The following RBMS3 variants were observed in gnomAD, a reference collection of about 807,000 sequenced individuals.
RBMS3 encodes RNA-binding motif, single-stranded-interacting protein 3.
Under a neutral mutation model 66.8 loss-of-function variants are expected in RBMS3, and 27 were observed. The observed-to-expected ratio is 0.40, with a 90% CI of 0.30 to 0.56. The LOEUF (loss-of-function observed/expected upper bound fraction) is 0.56. Among genes scored for constraint, RBMS3 ranks in the 20% least tolerant of loss-of-function variants. RBMS3 has a pLI of 0.40. For missense variants in RBMS3, 513 were observed against 549.5 expected (o/e 0.93, Z 0.66); for synonymous variants, 188 against 183.0 (o/e 1.03, Z -0.22).
chr3:29,991,179 A>C lies in RBMS3; in HGVS notation c.1277A>C (p.His426Pro). The change falls in exon 14 of 15, where the codon CAT becomes CCT. Residue 426 changes from histidine to proline, a missense_variant. Transcript: ENST00000383767. ...QQIAVDTSNE[H>P]APAYSYQQSK... ...ATAGCAGTGGACACATCCAACGAAC[A>C]TGCACCTGCATATTCTTACCAACAG... is the stretch of plus-strand genomic sequence containing the variant. 1 of 1,614,124 alleles carries C rather than the reference A, an allele frequency of 6.2e-7. No individual in the cohort carries two copies. Among genetic ancestry groups the C allele is most frequent in the Non-Finnish European group, 8.5e-7 (1 of 1,180,000 alleles).
intron 6 of RBMS3, among the ~76,000 whole-genome samples, chr3:29,838,864 T>C (rs9849302): frequency 0.02 from 3,070 of 152,288 alleles, 96 homozygotes; most frequent in African/African-American, 0.068. Context: ...TGATAAATTC[T>C]GTGAGATTGG....
At chr3:29,471,025 C>T (rs2042707536) in intron 2 of RBMS3, among the ~76,000 whole-genome samples, 1 of 152,084 alleles carries the variant, frequency 6.6e-6, no homozygotes, top group Non-Finnish European at 1.5e-5. Context: ...TTGCTTTTGG[C>T]ACTGGTCAAA....
chr3:29,436,314 C>G (rs572359125), intron 2 of RBMS3, among the ~76,000 whole-genome samples: 2 of 152,262 alleles, frequency 1.3e-5, no homozygotes, highest in African/African-American at 4.8e-5. Context: ...ACATAACTGT[C>G]TAATTGTTTG....
At chr3:29,997,455 G>C (rs1300546048) in intron 14 of RBMS3, among the ~76,000 whole-genome samples, 1 of 148,850 alleles carries the variant, frequency 6.7e-6, no homozygotes, top group Non-Finnish European at 1.5e-5. Context: ...GCCGGGCAGA[G>C]ACACAACAAA....
At chr3:29,398,368 A>T (rs2039650227) in intron 1 of RBMS3, among the ~76,000 whole-genome samples, 1 of 152,170 alleles carries the variant, frequency 6.6e-6, no homozygotes, top group African/African-American at 2.4e-5. Flanking sequence ...GAAGGAGCTT[A>T]TGTACAAGAG....
intron 1 of RBMS3, among the ~76,000 whole-genome samples, chr3:29,282,862 C>T (rs1030301137): frequency 6.6e-6 from 1 of 152,168 alleles, no homozygotes; most frequent in Non-Finnish European, 1.5e-5. Context: ...TCTCGTCCAG[C>T]AACGCCTATT....
Position 29,383,552 on chromosome 3 carries a change from C to A in RBMS3, c.76-51191C>A, listed in dbSNP as rs376459241. Among the ~76,000 whole-genome samples, 5 of 152,150 alleles carry A rather than the reference C, an allele frequency of 3.3e-5. No individual in the cohort carries two copies. The East Asian group carries it at 5.8e-4, about 18-fold the overall frequency. ...CTAGTTAAGTTTATTGTGGTTCAGA[C>A]TCAAACTGTTGTATGTGGATGTACA... On this transcript the variant is annotated intron_variant, in intron 1 of 14. Coordinates refer to ENST00000383767, the MANE Select transcript of RBMS3 (RefSeq NM_001003793.3).
intron 2 of RBMS3, among the ~76,000 whole-genome samples, chr3:29,461,552 G>A (rs575074189): frequency 6.7e-4 from 102 of 152,300 alleles, no homozygotes; most frequent in African/African-American, 2.1e-3. Context: ...CTGCATCTTG[G>A]TAATATTACA....
chr3:29,397,366 C>T (rs1441884058), intron 1 of RBMS3, among the ~76,000 whole-genome samples: 1 of 152,128 alleles, frequency 6.6e-6, no homozygotes, highest in East Asian at 1.9e-4. Context: ...TGATTATATT[C>T]TTCCTTAAAG....
intron 1 of RBMS3, among the ~76,000 whole-genome samples, chr3:29,330,775 A>G (rs553047387): frequency 1.3e-5 from 2 of 152,280 alleles, no homozygotes; most frequent in Non-Finnish European, 2.9e-5. Flanking sequence ...ACAGCACCAA[A>G]TGATGTGTTG....
At chr3:29,874,233 A>T (rs1003738987) in intron 7 of RBMS3, among the ~76,000 whole-genome samples, 3 of 152,216 alleles carry the variant, frequency 2.0e-5, no homozygotes. Context: ...TATAATACTG[A>T]AGAGTGGAAA....
chr3:29,453,210 T>C (rs932909227), intron 2 of RBMS3, among the ~76,000 whole-genome samples: 2 of 152,210 alleles, frequency 1.3e-5, no homozygotes, highest in Non-Finnish European at 2.9e-5. Flanking sequence ...TATGTTTTAG[T>C]ATGTAGCATT....
rs916827758 is a variant in RBMS3 at position 29,607,095 on chromosome 3, T to A, written c.399+19890T>A. 2.6e-5 allele frequency among the ~76,000 whole-genome samples: 4 copies of A among 152,098 alleles called. No homozygotes were observed. The East Asian group carries it at 7.8e-4, about 29-fold the overall frequency. On this transcript the variant is annotated intron_variant, in intron 4 of 14. Transcript: ENST00000383767. Reference sequence around the variant, plus strand: ...GCTGGAAAATGGCAAACATTCTGTGTGGGTTTCAGAATTGCTGTATTGGGT... The same window carrying A: ...GCTGGAAAATGGCAAACATTCTGTGAGGGTTTCAGAATTGCTGTATTGGGT...
intron 2 of RBMS3, among the ~76,000 whole-genome samples, chr3:29,445,771 A>T (rs915112325): frequency 1.3e-5 from 2 of 152,196 alleles, no homozygotes; most frequent in East Asian, 1.9e-4. Flanking sequence ...AATTTTAAAA[A>T]ACAAATTTTT....
chr3:29,342,398 A>T (rs972278386), intron 1 of RBMS3, among the ~76,000 whole-genome samples: 14 of 152,104 alleles, frequency 9.2e-5, no homozygotes, highest in Non-Finnish European at 2.1e-4. Flanking sequence ...GCCTTTCTGG[A>T]TTTGGAATAT....
At chr3:29,775,246 A>T (rs1019490420) in intron 6 of RBMS3, among the ~76,000 whole-genome samples, 1 of 133,436 alleles carries the variant, frequency 7.5e-6, no homozygotes, top group African/African-American at 2.8e-5. Context: ...GTTTTTTTTT[A>T]TTTTTTTATT....
intron 6 of RBMS3, among the ~76,000 whole-genome samples, chr3:29,800,751 AC>A (rs5847595): frequency 0.023 from 3,479 of 152,192 alleles, 57 homozygotes; most frequent in Non-Finnish European, 0.035. Context: ...GCAAAACAAA[AC>A]CTTTTCTTTT....
intron 4 of RBMS3, among the ~76,000 whole-genome samples, chr3:29,632,578 C>T (rs1576402475): frequency 6.6e-6 from 1 of 151,666 alleles, no homozygotes; most frequent in Non-Finnish European, 1.5e-5. Context: ...GTGTGGGTCG[C>T]GTTTTTGATG....
intron 2 of RBMS3, among the ~76,000 whole-genome samples, chr3:29,458,900 G>A (rs1575874818): frequency 2.0e-5 from 3 of 152,154 alleles, no homozygotes; most frequent in East Asian, 3.8e-4. Context: ...AACATTTAGT[G>A]TTATATCTTC....
Sources: allele counts gnomAD v4.1 joint callset (sites outside exome capture counted in the v4.1 genomes callset), GRCh38; gene constraint gnomAD v4.1.1; transcripts MANE v1.5; gene names NCBI Gene and HGNC (gene_info 2026-07-23, HGNC 2026-07-21).